SHISAL1: variants seen among roughly 807,000 people sequenced by gnomAD.
SHISAL1 encodes the protein protein shisa-like-1.
In SHISAL1, 9 loss-of-function variants were observed where a neutral mutation model predicts 22.6. The observed-to-expected ratio is 0.40, with a 90% CI of 0.24 to 0.70. The LOEUF (loss-of-function observed/expected upper bound fraction) is 0.70. Ranked by LOEUF, SHISAL1 falls within the 30% of genes least tolerant of loss-of-function variation. The probability of loss-of-function intolerance (pLI) is 0.39; values close to 1 mark genes in which losing one functional copy is unlikely to be tolerated. For missense variants in SHISAL1, 246 were observed against 270.6 expected, an observed-to-expected ratio of 0.91 and a Z score of 0.64; for synonymous variants, 119 against 115.4, an observed-to-expected ratio of 1.03 and a Z score of -0.20.
intron 4 of SHISAL1, among the ~76,000 whole-genome samples, chr22:44,281,669 C>T (rs1291977357): frequency 6.6e-6 from 1 of 152,130 alleles, no homozygotes; most frequent in Non-Finnish European, 1.5e-5. Context: ...GCTCTGGGCC[C>T]TCAGGGGTTG....
chr22:44,266,591 A>C (rs185423787), intron 4 of SHISAL1, among the ~76,000 whole-genome samples: 65 of 136,478 alleles, frequency 4.8e-4, no homozygotes, highest in Admixed American at 2.0e-3. Context: ...TGTGTGTTGG[A>C]GGCTCTGGTG....
At chr22:44,254,212 T>G (rs2055069142) in intron 4 of SHISAL1, among the ~76,000 whole-genome samples, 1 of 151,962 alleles carries the variant, frequency 6.6e-6, no homozygotes, top group Admixed American at 6.6e-5. Flanking sequence ...TGAGAAAGAA[T>G]GAATTGCCCA....
chr22:44,291,594 T>A (rs764094658), intron 3 of SHISAL1, among the ~76,000 whole-genome samples: 1 of 152,102 alleles, frequency 6.6e-6, no homozygotes, highest in Non-Finnish European at 1.5e-5. Flanking sequence ...GTTTCACGCG[T>A]GGCCAAGGGA....
At chr22:44,279,592 G>A (rs2055262610) in intron 4 of SHISAL1, among the ~76,000 whole-genome samples, 1 of 152,204 alleles carries the variant, frequency 6.6e-6, no homozygotes, top group Admixed American at 6.5e-5. Flanking sequence ...GTTTTGCAAA[G>A]AGCTTGAGGG....
chr22:44,278,428 A>G (rs970626951), intron 4 of SHISAL1, among the ~76,000 whole-genome samples: 7 of 152,250 alleles, frequency 4.6e-5, no homozygotes, highest in African/African-American at 1.7e-4. Flanking sequence ...TGACTAATAC[A>G]GTCCTCCAGC....
intron 1 of SHISAL1, among the ~76,000 whole-genome samples, chr22:44,303,489 G>A (rs922100835): frequency 6.6e-6 from 1 of 152,072 alleles, no homozygotes; most frequent in African/African-American, 2.4e-5. Context: ...GCAGAGGTTG[G>A]GGTGATGCAC....
the SHISAL1 span, among the ~76,000 whole-genome samples, chr22:44,327,250 A>ACC: frequency 1.2e-5 from 1 of 82,352 alleles, no homozygotes; most frequent in Admixed American, 1.0e-4. Flanking sequence ...GCACACACAC[A>ACC]CACACACACA....
chr22:44,308,573 TTC>T (rs1341626009), intron 1 of SHISAL1, among the ~76,000 whole-genome samples: 2 of 152,168 alleles, frequency 1.3e-5, no homozygotes, highest in Non-Finnish European at 2.9e-5. Flanking sequence ...TCCCCCGTGA[TTC>T]TCTCACTCCC....
At chr22:44,273,398 CG>C (rs1601786462) in intron 4 of SHISAL1, among the ~76,000 whole-genome samples, 1 of 152,218 alleles carries the variant, frequency 6.6e-6, no homozygotes, top group Non-Finnish European at 1.5e-5. Context: ...ATACCGTCAC[CG>C]GCACAGATGA....
chr22:44,302,220 G>A (rs528201464), intron 1 of SHISAL1, among the ~76,000 whole-genome samples: 2 of 151,924 alleles, frequency 1.3e-5, no homozygotes, highest in East Asian at 1.9e-4. Context: ...CATGTCTGTA[G>A]TCCCAGCTAC....
At chr22:44,274,979 C>G (rs556204977) in intron 4 of SHISAL1, among the ~76,000 whole-genome samples, 1 of 152,348 alleles carries the variant, frequency 6.6e-6, no homozygotes, top group Admixed American at 6.5e-5. Context: ...GAGCTACTGG[C>G]TTACCTGCAG....
At chr22:44,278,584 T>C (rs994925030) in intron 4 of SHISAL1, among the ~76,000 whole-genome samples, 1 of 151,962 alleles carries the variant, frequency 6.6e-6, no homozygotes, top group African/African-American at 2.4e-5. Context: ...AGGGGCGGCC[T>C]GTGTGCTGGC....
rs1430083910 is a variant in SHISAL1, at chr22:44,245,069, G to C, written c.*4616C>G. On this transcript the variant is annotated 3_prime_UTR_variant, in exon 5 of 5. Transcript: ENST00000381176. Reference sequence around the variant, plus strand: ...TGGACTGCAAAGGGCAGTGATCAGGGCGTCATCCACTCATGGCCTCTCTGA... The same window carrying C: ...TGGACTGCAAAGGGCAGTGATCAGGCCGTCATCCACTCATGGCCTCTCTGA... The C allele has an allele frequency of 6.6e-6, 1 of 152,280 alleles. No individual in the cohort carries two copies. Among genetic ancestry groups the C allele is most frequent in the Non-Finnish European group, 1.5e-5 (1 of 68,080 alleles). The allele number at this position is 152,280 out of a possible 1,614,324, so 9.4% of individuals were successfully genotyped here. A position where few individuals can be genotyped will look rare whatever the true frequency, so the allele number is the denominator to read the frequency against.
intron 4 of SHISAL1, among the ~76,000 whole-genome samples, chr22:44,262,611 C>G (rs1430120315): frequency 1.3e-5 from 2 of 152,220 alleles, no homozygotes; most frequent in Non-Finnish European, 1.5e-5. Flanking sequence ...GCATATCTAG[C>G]TAGCAGTGGA....
chr22:44,325,443 C>G, the SHISAL1 span, among the ~76,000 whole-genome samples: 1 of 152,168 alleles, frequency 6.6e-6, no homozygotes, highest in Admixed American at 6.5e-5. Flanking sequence ...GGTCTTGAAG[C>G]CCAGCCCCTC....
upstream of SHISAL1, among the ~76,000 whole-genome samples, chr22:44,313,200 T>A (rs67744393): frequency 0.13 from 19,335 of 152,262 alleles, 1,434 homozygotes; most frequent in African/African-American, 0.2. Flanking sequence ...AGCAGGGGCT[T>A]AGACCCAGGG....
rs1343318641 is a variant in SHISAL1 at position 44,245,312 on chromosome 22, CTTCCTTCT to C, written c.*4365_*4372del. 1 of 152,268 alleles carries C rather than the reference CTTCCTTCT, an allele frequency of 6.6e-6. No homozygotes were observed. Among genetic ancestry groups the C allele is most frequent in the Non-Finnish European group, 1.5e-5 (1 of 68,164 alleles). 9.4% of individuals were successfully genotyped at this position (152,268 alleles called of 1,614,324 possible). ...CTCCATCCAGGTCTGTTCTTCCTTC[CTTCCTTCT>C]TACCTACCTACCTAGACAGAGTCTC... On this transcript the variant is annotated 3_prime_UTR_variant, in exon 5 of 5. Coordinates refer to ENST00000381176, the MANE Select transcript of SHISAL1 (RefSeq NM_001099294.2).
At chr22:44,327,240 GCACACACACA>G in the SHISAL1 span, among the ~76,000 whole-genome samples, 13,696 of 144,842 alleles carry the variant, frequency 0.095, 828 homozygotes, top group African/African-American at 0.17. Context: ...TGGGGGGCGC[GCACACACACA>G]CACACACACA....
At chr22:44,292,762 C>T (rs1051434519) in intron 3 of SHISAL1, among the ~76,000 whole-genome samples, 1 of 152,244 alleles carries the variant, frequency 6.6e-6, no homozygotes, top group Admixed American at 6.5e-5. Context: ...CGTCAGCTCC[C>T]TGGGCTTGGG....
Sources: gnomAD v4.1 joint callset for allele counts (sites outside exome capture counted in the v4.1 genomes callset) on GRCh38, gnomAD v4.1.1 for gene constraint, MANE v1.5 for transcripts, NCBI Gene and HGNC (gene_info 2026-07-23, HGNC 2026-07-21) for gene names.